LEPROTL1: variants seen among roughly 807,000 people sequenced by gnomAD.
LEPROTL1 encodes leptin receptor overlapping transcript like 1, also known as leptin receptor overlapping transcript-like 1.
LEPROTL1 carries 6 observed loss-of-function variants against 15.4 expected under a neutral mutation model. The observed-to-expected ratio is 0.39, with a 90% confidence interval of 0.21 to 0.77. The LOEUF (loss-of-function observed/expected upper bound fraction) is 0.77, where lower values mean the gene tolerates loss of function less well. LEPROTL1 is among the 30% of genes least tolerant of loss of function. The probability of loss-of-function intolerance (pLI) is 0.41; values close to 1 mark genes in which losing one functional copy is unlikely to be tolerated. For synonymous variants in LEPROTL1, 56 were observed against 52.6 expected (o/e 1.06, Z -0.28); for missense variants, 128 against 158.1 (o/e 0.81, Z 1.02).
rs143117319 is a variant in LEPROTL1 at position 30,131,947 on chromosome 8, T to G, written c.280-428T>G. ...GGTGAAAGCCAGGGAAAGATGTCAG[T>G]TACATTTGTGCTTTCTCTTCGCCAA... On this transcript the variant is annotated intron_variant, in intron 3 of 4. Coordinates refer to the LEPROTL1 transcript ENST00000442880. 1.3e-4 allele frequency: 207 copies of G among 1,542,984 alleles called. No homozygotes were observed. The African/African-American group carries it at 2.3e-3, about 17-fold the overall frequency.
chr8:30,110,644 G>A (rs1218396337), downstream of LEPROTL1, among the ~76,000 whole-genome samples: 1 of 152,030 alleles, frequency 6.6e-6, no homozygotes, highest in Non-Finnish European at 1.5e-5. Context: ...TGAGGCAGTA[G>A]AATCGCTTGA....
intron 3 of LEPROTL1, among the ~76,000 whole-genome samples, chr8:30,129,142 C>T (rs1802952224): frequency 6.6e-6 from 1 of 152,042 alleles, no homozygotes; most frequent in South Asian, 2.1e-4. Context: ...ATCAAGAGCT[C>T]CTCCTGCTTC....
downstream of LEPROTL1, among the ~76,000 whole-genome samples, chr8:30,111,793 T>A (rs1172558122): frequency 6.6e-6 from 1 of 152,172 alleles, no homozygotes; most frequent in Non-Finnish European, 1.5e-5. Context: ...GTGGGTCTTG[T>A]GCCAGCCAGC....
downstream of LEPROTL1, chr8:30,137,879 A>T: frequency 4.0e-6 from 1 of 252,788 alleles, no homozygotes; most frequent in Non-Finnish European, 7.8e-6. Context: ...AGATTCTGAC[A>T]CTCCTCCAAT....
chr8:30,118,019 G>GGTGGTTTTTTTTTTTTTTT lies in LEPROTL1; in HGVS notation c.279+13533_279+13534insGTGGTTTTTTTTTTTTTTT, dbSNP rs751348725. Among the ~76,000 whole-genome samples, 3 of 26,786 alleles carry GGTGGTTTTTTTTTTTTTTT rather than the reference G, an allele frequency of 1.1e-4. 1 individual carries two copies. The highest frequency in any genetic ancestry group is 2.4e-4 in the African/African-American group (2 of 8,302). The allele number at this position is 26,786 out of a possible 152,430, so 17.6% of individuals were successfully genotyped here. A position where few individuals can be genotyped will look rare whatever the true frequency, so the allele number is the denominator to read the frequency against. ...AATCTGTATATATATTTTTTGATTT[G>GGTGGTTTTTTTTTTTTTTT]TTTTTTTTTTTTTTTTTTTTTTTGA... On this transcript the variant is annotated intron_variant, in intron 3 of 4. Coordinates refer to the LEPROTL1 transcript ENST00000442880.
intron 1 of LEPROTL1, among the ~76,000 whole-genome samples, chr8:30,096,952 A>G (rs916298908): frequency 6.6e-6 from 1 of 152,176 alleles, no homozygotes; most frequent in Non-Finnish European, 1.5e-5. Flanking sequence ...ACTTTTTGAT[A>G]TATTGGATTT....
At chr8:30,132,296 A>G (rs1803036282) in intron 3 of LEPROTL1, 1 of 1,551,780 alleles carries the variant, frequency 6.4e-7, no homozygotes, top group East Asian at 2.4e-5. Context: ...CTGTGCTGGA[A>G]TACAAGCCGT....
intron 3 of LEPROTL1, among the ~76,000 whole-genome samples, chr8:30,116,319 C>G (rs1802739872): frequency 6.6e-6 from 1 of 152,112 alleles, no homozygotes; most frequent in Non-Finnish European, 1.5e-5. Context: ...GTCAGCAGTC[C>G]CCAATCTTGT....
chr8:30,117,544 T>C, intron 3 of LEPROTL1: 1 of 1,303,238 alleles, frequency 7.7e-7, no homozygotes, highest in South Asian at 1.2e-5. Flanking sequence ...ACATCAAATC[T>C]GGGGCTGATC....
intron 3 of LEPROTL1, among the ~76,000 whole-genome samples, chr8:30,126,463 C>G (rs1802908201): frequency 6.6e-6 from 1 of 152,164 alleles, no homozygotes; most frequent in African/African-American, 2.4e-5. Flanking sequence ...CCTCCTTTTC[C>G]AAGTCCTCAT....
At chr8:30,131,384 G>T (rs558121632) in intron 3 of LEPROTL1, among the ~76,000 whole-genome samples, 12 of 150,036 alleles carry the variant, frequency 8.0e-5, no homozygotes, top group Admixed American at 4.7e-4. Context: ...CAAACCCTGG[G>T]CCTCAAGCAA....
intron 3 of LEPROTL1, chr8:30,117,610 G>T: frequency 6.9e-7 from 1 of 1,445,680 alleles, no homozygotes; most frequent in Non-Finnish European, 9.7e-7. Context: ...CCAGCTCTGT[G>T]ATCATCAATG....
chr8:30,117,246 G>A (rs1434679221), intron 3 of LEPROTL1: 4 of 584,526 alleles, frequency 6.8e-6, no homozygotes, highest in Non-Finnish European at 1.2e-5. Context: ...CCAGTGCTTT[G>A]GGAGGTGGAG....
chr8:30,133,109 G>T (rs1803063819), intron 4 of LEPROTL1, among the ~76,000 whole-genome samples: 1 of 152,034 alleles, frequency 6.6e-6, no homozygotes, highest in African/African-American at 2.4e-5. Flanking sequence ...TAGACATGGG[G>T]TCTCACTATG....
intron 3 of LEPROTL1, chr8:30,117,429 T>C (rs893832067): frequency 7.2e-6 from 11 of 1,528,230 alleles, no homozygotes; most frequent in Non-Finnish European, 9.8e-6. Flanking sequence ...GTTTTCATCT[T>C]GCTTCTTCAT....
chr8:30,120,457 G>A lies in LEPROTL1; in HGVS notation c.280-11918G>A, dbSNP rs547941045. Among the ~76,000 whole-genome samples, 8 of 135,482 alleles carry A rather than the reference G, an allele frequency of 5.9e-5. No homozygotes were observed. In the East Asian group the frequency reaches 1.5e-3, roughly 26 times the overall value. 88.9% of individuals were successfully genotyped at this position (135,482 alleles called of 152,430 possible). On this transcript the variant is annotated intron_variant, in intron 3 of 4. Transcript: ENST00000442880. ...GTCGCTTAATAAGTTGTATGTATTT[G>A]TATATGCATATATATATATGTATAT... is the stretch of plus-strand genomic sequence containing the variant.
Position 30,097,671 on chromosome 8 carries a change from CAA to C in LEPROTL1, c.16+2156_16+2157del, listed in dbSNP as rs72163652. Among the ~76,000 whole-genome samples, 105 of 29,380 alleles carry C rather than the reference CAA, an allele frequency of 3.6e-3. 2 individuals carry two copies. The highest frequency in any genetic ancestry group is 8.1e-3 in the African/African-American group (98 of 12,160). 19.3% of individuals were successfully genotyped at this position (29,380 alleles called of 152,430 possible). ...TGGGCAACAGAGTGAGACTCTGTCTCAAAAAAAAAAAAAATATATATATATAT... is the reference window on the plus strand; with the variant it reads ...TGGGCAACAGAGTGAGACTCTGTCTCAAAAAAAAAAAATATATATATATAT... On this transcript the variant is annotated intron_variant, in intron 1 of 3. Coordinates refer to ENST00000321250, the MANE Select transcript of LEPROTL1 (RefSeq NM_015344.3).
In LEPROTL1 at chr8:30,097,696, T is replaced by TAC. The variant is rs1470929284; in HGVS notation, c.16+2169_16+2170insCA. 6.7e-3 allele frequency among the ~76,000 whole-genome samples: 725 copies of TAC among 108,926 alleles called. 23 individuals carry two copies. Among genetic ancestry groups the TAC allele is most frequent in the African/African-American group, 0.023 (662 of 29,370 alleles). 71.5% of individuals were successfully genotyped at this position (108,926 alleles called of 152,430 possible). On this transcript the variant is annotated intron_variant, in intron 1 of 3. Coordinates refer to ENST00000321250, the MANE Select transcript of LEPROTL1 (RefSeq NM_015344.3). ...CAAAAAAAAAAAAAATATATATATA[T>TAC]ATACACACACACACACACACACACA...
At chr8:30,137,553 T>A in exon 5 of LEPROTL1, 1 of 1,277,028 alleles carries the variant, frequency 7.8e-7, no homozygotes, top group Non-Finnish European at 1.1e-6. Context: ...CACGTGGCAG[T>A]GATGATTAGT....
Sources: gnomAD v4.1 joint callset for allele counts (sites outside exome capture counted in the v4.1 genomes callset) on GRCh38, gnomAD v4.1.1 for gene constraint, MANE v1.5 for transcripts, NCBI Gene and HGNC (gene_info 2026-07-23, HGNC 2026-07-21) for gene names.